Variants in ZNF385B observed in about 807,000 individuals in gnomAD.
The protein encoded by ZNF385B is zinc finger protein 533.
ZNF385B carries 23 observed loss-of-function variants against 39.2 expected under a neutral mutation model. The ratio of observed to expected loss-of-function variants is 0.59; its 90% CI spans 0.42 to 0.83. The LOEUF (loss-of-function observed/expected upper bound fraction) is 0.83. Ranked by LOEUF, ZNF385B falls within the 40% of genes least tolerant of loss-of-function variation. The probability of loss-of-function intolerance (pLI) is 0.00; values close to 1 mark genes in which losing one functional copy is unlikely to be tolerated. For missense variants in ZNF385B, 552 were observed against 598.9 expected (o/e 0.92, Z 0.82); for synonymous variants, 205 against 222.6 (o/e 0.92, Z 0.70).
intron 1 of ZNF385B, among the ~76,000 whole-genome samples, chr2:179,813,127 T>C (rs1706841442): frequency 6.6e-6 from 1 of 152,222 alleles, no homozygotes. Flanking sequence ...CACTATCTCA[T>C]GATTATATAA....
At chr2:179,462,108 T>A (rs2051400770) in intron 6 of ZNF385B, among the ~76,000 whole-genome samples, 1 of 152,170 alleles carries the variant, frequency 6.6e-6, no homozygotes, top group Non-Finnish European at 1.5e-5. Context: ...AACAGAGGCA[T>A]GCAGTGAAAG....
chr2:179,653,484 T>A (rs2037111), intron 3 of ZNF385B, among the ~76,000 whole-genome samples: 1 of 152,102 alleles, frequency 6.6e-6, no homozygotes, highest in East Asian at 1.9e-4. Context: ...GGGAGACTTA[T>A]GGCGGGTTAA....
chr2:179,663,757 CAT>C (rs1694800990), intron 3 of ZNF385B, among the ~76,000 whole-genome samples: 1 of 146,602 alleles, frequency 6.8e-6, no homozygotes. Flanking sequence ...AAGAATCTCT[CAT>C]TATCATTTAA....
At chr2:179,794,409 C>CTTCATGA (rs150851440) in intron 1 of ZNF385B, among the ~76,000 whole-genome samples, 8 of 152,076 alleles carry the variant, frequency 5.3e-5, no homozygotes, top group Non-Finnish European at 1.0e-4. Context: ...TATTCTAAAA[C>CTTCATGA]TAGAAATTCT....
intron 3 of ZNF385B, among the ~76,000 whole-genome samples, chr2:179,682,665 A>G (rs995073907): frequency 4.6e-5 from 7 of 152,222 alleles, no homozygotes; most frequent in African/African-American, 1.7e-4. Context: ...TGAATCCAAG[A>G]AGAAAATAAA....
intron 1 of ZNF385B, among the ~76,000 whole-genome samples, chr2:179,781,005 T>C (rs1229952194): frequency 6.6e-6 from 1 of 152,184 alleles, no homozygotes; most frequent in Non-Finnish European, 1.5e-5. Flanking sequence ...AAATGGAGCA[T>C]GTGGTCACCC....
chr2:179,838,504 G>A (rs1281737413), intron 1 of ZNF385B, among the ~76,000 whole-genome samples: 1 of 152,078 alleles, frequency 6.6e-6, no homozygotes, highest in Non-Finnish European at 1.5e-5. Flanking sequence ...ACTATTCTTT[G>A]CTCCACATCA....
At chr2:179,486,950 C>A (rs1328369305) in intron 5 of ZNF385B, among the ~76,000 whole-genome samples, 3 of 152,076 alleles carry the variant, frequency 2.0e-5, no homozygotes, top group Non-Finnish European at 2.9e-5. Flanking sequence ...AAAAAAAGTT[C>A]AACTTTTTAA....
chr2:179,626,394 C>G (rs890360543), intron 3 of ZNF385B, among the ~76,000 whole-genome samples: 5 of 152,246 alleles, frequency 3.3e-5, no homozygotes, highest in African/African-American at 1.2e-4. Context: ...GAGGATACAG[C>G]ATACTGCTTC....
intron 3 of ZNF385B, among the ~76,000 whole-genome samples, chr2:179,675,637 A>T (rs13419649): frequency 1.7e-4 from 26 of 151,842 alleles, no homozygotes; most frequent in African/African-American, 5.8e-4. Context: ...AGGCAAGAGC[A>T]GGAGGAAAAG....
chr2:179,479,536 C>T (rs1401660931), intron 6 of ZNF385B, among the ~76,000 whole-genome samples: 2 of 152,020 alleles, frequency 1.3e-5, no homozygotes, highest in Non-Finnish European at 1.5e-5. Context: ...TGTGTGCTCT[C>T]GAGGAGCAGA....
At position 179,719,544 on chromosome 2, in the gene ZNF385B, T is replaced by C. The variant is rs775796318; in HGVS notation, c.298+49959A>G. Among the ~76,000 whole-genome samples, 5 of 152,212 alleles carry C rather than the reference T, an allele frequency of 3.3e-5. No individual in the cohort carries two copies. The East Asian group carries it at 5.8e-4, about 18-fold the overall frequency. On this transcript the variant is annotated intron_variant, in intron 3 of 9. Coordinates refer to ENST00000410066, the MANE Select transcript of ZNF385B (RefSeq NM_152520.6). ...CTTCAAGAAGGGAAAACCAAAGCTA[T>C]TGGCAAATATACGGGCTGCATTGCC...
intron 6 of ZNF385B, among the ~76,000 whole-genome samples, chr2:179,447,268 A>G (rs1373420295): frequency 6.6e-6 from 1 of 152,212 alleles, no homozygotes; most frequent in African/African-American, 2.4e-5. Flanking sequence ...AACATGGTTA[A>G]TTTTGATTAT....
intron 1 of ZNF385B, among the ~76,000 whole-genome samples, chr2:179,790,583 C>A (rs1451179309): frequency 6.6e-6 from 1 of 152,192 alleles, no homozygotes; most frequent in Non-Finnish European, 1.5e-5. Context: ...CTCTCCACTT[C>A]CCAGTCCCAC....
intron 3 of ZNF385B, among the ~76,000 whole-genome samples, chr2:179,581,202 C>G (rs984738594): frequency 1.3e-5 from 2 of 152,092 alleles, no homozygotes. Flanking sequence ...TACAACTGTG[C>G]AACAAAAGAA....
intron 3 of ZNF385B, among the ~76,000 whole-genome samples, chr2:179,714,145 A>G (rs1700174251): frequency 6.6e-6 from 1 of 152,208 alleles, no homozygotes; most frequent in African/African-American, 2.4e-5. Flanking sequence ...AGTCTAAGGC[A>G]TAGGAGGAGG....
At chr2:179,477,497 T>C (rs935020912) in intron 6 of ZNF385B, among the ~76,000 whole-genome samples, 9 of 152,320 alleles carry the variant, frequency 5.9e-5, no homozygotes, top group African/African-American at 1.4e-4. Context: ...CCATAGGGCA[T>C]GGGTGTGGGA....
chr2:179,598,109 A>G (rs1278879279), intron 3 of ZNF385B, among the ~76,000 whole-genome samples: 1 of 152,188 alleles, frequency 6.6e-6, no homozygotes, highest in East Asian at 1.9e-4. Context: ...TTTAGGATGA[A>G]GACATACTCA....
chr2:179,625,259 T>C (rs1690555879), intron 3 of ZNF385B, among the ~76,000 whole-genome samples: 1 of 152,150 alleles, frequency 6.6e-6, no homozygotes, highest in Non-Finnish European at 1.5e-5. Context: ...GTAACTGATA[T>C]GCAGTCTTTA....
Sources: gnomAD v4.1 joint callset for allele counts (sites outside exome capture counted in the v4.1 genomes callset) on GRCh38, gnomAD v4.1.1 for gene constraint, MANE v1.5 for transcripts, NCBI Gene and HGNC (gene_info 2026-07-23, HGNC 2026-07-21) for gene names.